Variants in HMGB1 observed in about 807,000 individuals in gnomAD.
HMGB1 encodes high mobility group box 1.
For missense variants in HMGB1, 79 were observed against 253.5 expected (o/e 0.31, Z 4.67); for synonymous variants, 81 against 84.0 (o/e 0.96, Z 0.19).
chr13:30,540,375 C>A, intron 1 of HMGB1: 1 of 158,984 alleles, frequency 6.3e-6, no homozygotes, highest in South Asian at 1.7e-4. Flanking sequence ...ATGTGTCTTT[C>A]CCCAGCATGC....
At chr13:30,463,890 A>G (rs1273298255) in intron 1 of HMGB1, 196 bp from the exon 2 acceptor site, 2 of 515,488 alleles carry the variant, frequency 3.9e-6, no homozygotes, top group Non-Finnish European at 6.5e-6. Flanking sequence ...ACAAAACAAA[A>G]CAAAAACAGT....
intron 1 of HMGB1, among the ~76,000 whole-genome samples, chr13:30,611,276 C>T (rs1950510415): frequency 1.3e-5 from 2 of 152,152 alleles, no homozygotes. Context: ...GAGGCTCCTG[C>T]CTCAGCCTCC....
chr13:30,548,547 A>C (rs1869274083), intron 1 of HMGB1, among the ~76,000 whole-genome samples: 1 of 152,224 alleles, frequency 6.6e-6, no homozygotes, highest in Non-Finnish European at 1.5e-5. Context: ...AAGTTACATC[A>C]AGATCTGTGT....
chr13:30,482,358 C>G (rs941953438), intron 1 of HMGB1, among the ~76,000 whole-genome samples: 2 of 152,142 alleles, frequency 1.3e-5, no homozygotes, highest in Admixed American at 1.3e-4. Context: ...AAAGACCAAG[C>G]TCATGTTTTA....
At chr13:30,565,287 T>C (rs530652155) in intron 1 of HMGB1, among the ~76,000 whole-genome samples, 2 of 152,272 alleles carry the variant, frequency 1.3e-5, no homozygotes, top group South Asian at 2.1e-4. Context: ...AACCCACACA[T>C]CTAGATGGTC....
chr13:30,580,020 C>T (rs1006874840), intron 1 of HMGB1, among the ~76,000 whole-genome samples: 2 of 152,132 alleles, frequency 1.3e-5, no homozygotes, highest in Non-Finnish European at 2.9e-5. Flanking sequence ...TTACTTAAGA[C>T]GAAAGAAATA....
intron 1 of HMGB1, among the ~76,000 whole-genome samples, chr13:30,600,170 A>G (rs1950385264): frequency 6.6e-6 from 1 of 152,190 alleles, no homozygotes; most frequent in Non-Finnish European, 1.5e-5. Context: ...AAATTCTTCT[A>G]TTCTTTCATT....
intron 1 of HMGB1, among the ~76,000 whole-genome samples, chr13:30,552,582 G>A (rs1869478307): frequency 6.6e-6 from 1 of 152,096 alleles, no homozygotes; most frequent in African/African-American, 2.4e-5. Flanking sequence ...TTCTATTGAA[G>A]CACTTAGCAC....
intron 1 of HMGB1, among the ~76,000 whole-genome samples, chr13:30,615,713 A>C (rs1298744753): frequency 6.6e-6 from 1 of 152,014 alleles, no homozygotes; most frequent in Non-Finnish European, 1.5e-5. Context: ...TTTATATCCC[A>C]GGTTTGGGCC....
At chr13:30,600,727 T>C (rs1482987264) in intron 1 of HMGB1, among the ~76,000 whole-genome samples, 1 of 152,172 alleles carries the variant, frequency 6.6e-6, no homozygotes, top group Non-Finnish European at 1.5e-5. Flanking sequence ...GATACTCAAC[T>C]GGCTAAATAT....
chr13:30,463,906 A>T lies in HMGB1; in HGVS notation c.-14-212T>A, dbSNP rs938368545. On this transcript the variant is annotated intron_variant, in intron 1 of 4. Transcript: ENST00000341423. ...CAAAACAAAACAAAAACAGTCCTTCAGGGCGATCTCAAAAAGTCTAGACAC... is the reference window on the plus strand; with the variant it reads ...CAAAACAAAACAAAAACAGTCCTTCTGGGCGATCTCAAAAAGTCTAGACAC... The T allele has an allele frequency of 3.0e-4, 141 of 476,406 alleles. 1 individual carries two copies. The highest frequency in any genetic ancestry group is 4.2e-4 in the Non-Finnish European group (119 of 283,036). 29.5% of individuals were successfully genotyped at this position (476,406 alleles called of 1,614,324 possible).
chr13:30,514,508 G>A (rs1888061133), intron 1 of HMGB1, among the ~76,000 whole-genome samples: 1 of 151,576 alleles, frequency 6.6e-6, no homozygotes, highest in African/African-American at 2.4e-5. Context: ...AACTCTAGGT[G>A]ACCTTTCTAA....
At chr13:30,520,940 C>T (rs1888224428) in intron 1 of HMGB1, among the ~76,000 whole-genome samples, 1 of 152,186 alleles carries the variant, frequency 6.6e-6, no homozygotes, top group Non-Finnish European at 1.5e-5. Flanking sequence ...GAAAGGAGCG[C>T]TTCACTCTTC....
chr13:30,538,553 CTTTT>C (rs10532111), intron 1 of HMGB1, among the ~76,000 whole-genome samples: 8 of 69,710 alleles, frequency 1.1e-4, no homozygotes, highest in East Asian at 7.4e-4. Flanking sequence ...TTCTTTCTTT[CTTTT>C]TCTTTCTTCT....
chr13:30,576,376 C>T (rs1020395984), intron 1 of HMGB1, among the ~76,000 whole-genome samples: 2 of 151,988 alleles, frequency 1.3e-5, no homozygotes, highest in Non-Finnish European at 2.9e-5. Context: ...TCTTTTGGTC[C>T]TACTGGGCAA....
chr13:30,537,279 T>G (rs1017069314), intron 1 of HMGB1, among the ~76,000 whole-genome samples: 1 of 152,132 alleles, frequency 6.6e-6, no homozygotes, highest in Non-Finnish European at 1.5e-5. Context: ...GCATCTCCTC[T>G]CTATCCCCAT....
intron 1 of HMGB1, among the ~76,000 whole-genome samples, chr13:30,515,073 G>C (rs1888073651): frequency 1.3e-5 from 2 of 152,210 alleles, no homozygotes; most frequent in African/African-American, 4.8e-5. Context: ...CAGAGCGCTG[G>C]AGGCAGATGG....
At chr13:30,538,093 T>C (rs1427300432) in intron 1 of HMGB1, among the ~76,000 whole-genome samples, 1 of 152,142 alleles carries the variant, frequency 6.6e-6, no homozygotes, top group East Asian at 1.9e-4. Context: ...CAGCTGCAGG[T>C]CACAAGTCTT....
chr13:30,533,538 T>C (rs1352106669), intron 1 of HMGB1, among the ~76,000 whole-genome samples: 1 of 151,784 alleles, frequency 6.6e-6, no homozygotes, highest in Non-Finnish European at 1.5e-5. Context: ...CTAACTTTTG[T>C]ATTTTTAGTG....
Sources: allele counts gnomAD v4.1 joint callset (sites outside exome capture counted in the v4.1 genomes callset), GRCh38; gene constraint gnomAD v4.1.1; transcripts MANE v1.5; gene names NCBI Gene and HGNC (gene_info 2026-07-23, HGNC 2026-07-21).